Variants in ARHGAP24 observed in about 807,000 individuals in gnomAD.
The protein encoded by ARHGAP24 is rho GTPase-activating protein 24.
In ARHGAP24, 50 loss-of-function variants were observed where a neutral mutation model predicts 76.4. The observed-to-expected ratio is 0.65, with a 90% CI of 0.52 to 0.83. The LOEUF (loss-of-function observed/expected upper bound fraction) is 0.83. Among genes scored for constraint, ARHGAP24 ranks in the 40% least tolerant of loss-of-function variants. The probability of loss-of-function intolerance (pLI) is 0.00; values close to 1 mark genes in which losing one functional copy is unlikely to be tolerated. For synonymous variants in ARHGAP24, 345 were observed against 323.3 expected (o/e 1.07, Z -0.72); for missense variants, 930 against 914.2 (o/e 1.02, Z -0.22).
rs774932899 is a variant in ARHGAP24 at position 85,923,774 on chromosome 4, A to G, written c.391+4A>G. ...ATATGGGGACCTTTCGGAGGAGGTG[A>G]GTGTACTTTAAAATCATGGAAAAAC... On this transcript the variant is annotated splice_donor_region_variant and intron_variant, in intron 4 of 9. Transcript: ENST00000395184. 2.5e-6 allele frequency: 4 copies of G among 1,613,958 alleles called. No homozygotes were observed. The highest frequency in any genetic ancestry group is 2.2e-5 in the South Asian group (2 of 91,070).
chr4:85,609,709 A>G (rs957213519), intron 2 of ARHGAP24, among the ~76,000 whole-genome samples: 1 of 152,170 alleles, frequency 6.6e-6, no homozygotes, highest in African/African-American at 2.4e-5. Context: ...ATTGACACAT[A>G]ATAATTGCAC....
intron 3 of ARHGAP24, among the ~76,000 whole-genome samples, chr4:85,809,291 G>A (rs1728914217): frequency 6.6e-6 from 1 of 151,852 alleles, no homozygotes; most frequent in African/African-American, 2.4e-5. Context: ...AAAAACAAGT[G>A]AACTCTTCCA....
chr4:85,933,213 G>A (rs1312220480), intron 4 of ARHGAP24, among the ~76,000 whole-genome samples: 1 of 152,100 alleles, frequency 6.6e-6, no homozygotes, highest in Non-Finnish European at 1.5e-5. Flanking sequence ...GTGAAGCCAG[G>A]AAAAATGCCT....
intron 3 of ARHGAP24, among the ~76,000 whole-genome samples, chr4:85,852,854 A>G (rs1240078401): frequency 2.0e-5 from 3 of 152,174 alleles, no homozygotes; most frequent in Admixed American, 6.5e-5. Context: ...GCATCGTCCC[A>G]GAGGGGCATA....
chr4:85,983,660 G>T (rs1578466521), intron 8 of ARHGAP24, among the ~76,000 whole-genome samples: 2 of 152,206 alleles, frequency 1.3e-5, no homozygotes, highest in South Asian at 4.1e-4. Flanking sequence ...CAAAACTACA[G>T]TAAGAAAGTT....
chr4:85,993,656 A>G (rs1015676465), intron 8 of ARHGAP24, among the ~76,000 whole-genome samples: 1 of 152,146 alleles, frequency 6.6e-6, no homozygotes, highest in East Asian at 1.9e-4. Context: ...TTTCTTCACC[A>G]AATCTCAAGT....
intron 2 of ARHGAP24, among the ~76,000 whole-genome samples, chr4:85,695,448 TAAG>T (rs908465371): frequency 7.2e-5 from 11 of 152,310 alleles, no homozygotes; most frequent in African/African-American, 2.6e-4. Context: ...TCCATCATAA[TAAG>T]AATGCTCAAT....
At chr4:85,493,933 C>T (rs993690676) in intron 1 of ARHGAP24, among the ~76,000 whole-genome samples, 12 of 152,228 alleles carry the variant, frequency 7.9e-5, no homozygotes, top group African/African-American at 2.6e-4. Flanking sequence ...AGGGTCAAAA[C>T]GCTTTATTTC....
At chr4:85,674,980 T>G (rs1261263410) in intron 2 of ARHGAP24, among the ~76,000 whole-genome samples, 2 of 152,206 alleles carry the variant, frequency 1.3e-5, no homozygotes, top group Non-Finnish European at 2.9e-5. Flanking sequence ...TGTAACAATT[T>G]GTAATCAGAG....
rs553653376 is a variant in ARHGAP24, at chr4:85,630,538, C to G, written c.180+59817C>G. Among the ~76,000 whole-genome samples the G allele has an allele frequency of 3.9e-5, 6 of 152,212 alleles. No individual in the cohort carries two copies. In the South Asian group the frequency reaches 1.2e-3, roughly 32 times the overall value. On this transcript the variant is annotated intron_variant, in intron 2 of 9. Coordinates refer to ENST00000395184, the MANE Select transcript of ARHGAP24 (RefSeq NM_001025616.3). ...AGTCAGCTCATCCAGAGATACTGAG[C>G]AGGCCAACTGTTGGGGTCTGTGAAG...
At chr4:85,713,340 T>C (rs935342768) in intron 2 of ARHGAP24, among the ~76,000 whole-genome samples, 5 of 151,884 alleles carry the variant, frequency 3.3e-5, no homozygotes, top group Non-Finnish European at 7.4e-5. Context: ...AAAAACATAT[T>C]TCTATGTTTT....
chr4:85,947,864 C>T lies in ARHGAP24; in HGVS notation c.599+5591C>T, dbSNP rs545155009. Among the ~76,000 whole-genome samples, 21 of 152,058 alleles carry T rather than the reference C, an allele frequency of 1.4e-4. No individual in the cohort carries two copies. In the East Asian group the frequency reaches 3.5e-3, roughly 25 times the overall value. ...ATTATACAGTTTTAACATTTGAGGA[C>T]AATTTTAATTACATAATGATAAATG... On this transcript the variant is annotated intron_variant, in intron 5 of 9. Transcript: ENST00000395184.
chr4:85,599,044 G>A (rs1719942690), intron 2 of ARHGAP24, among the ~76,000 whole-genome samples: 1 of 151,722 alleles, frequency 6.6e-6, no homozygotes, highest in Admixed American at 6.6e-5. Context: ...TACACTTAAA[G>A]CACATTTGAA....
chr4:85,505,366 C>T (rs1467435299), intron 1 of ARHGAP24, among the ~76,000 whole-genome samples: 3 of 152,166 alleles, frequency 2.0e-5, no homozygotes, highest in Admixed American at 6.5e-5. Context: ...ACCAATCAAA[C>T]GTTGATTTGG....
At chr4:85,784,905 CTCTATCTATCTATCTATCTA>C (rs59888935) in intron 3 of ARHGAP24, among the ~76,000 whole-genome samples, 1,501 of 147,766 alleles carry the variant, frequency 0.01, 11 homozygotes, top group African/African-American at 0.013. Context: ...GATTATATAT[CTCTATCTATCTATCTATCTA>C]TCTATCTATC....
intron 5 of ARHGAP24, among the ~76,000 whole-genome samples, chr4:85,962,282 A>G (rs907206446): frequency 3.3e-5 from 5 of 152,244 alleles, no homozygotes; most frequent in Non-Finnish European, 7.4e-5. Context: ...ATCAAAGGTT[A>G]GGAAAATAGT....
At chr4:85,837,656 T>C (rs1012881480) in intron 3 of ARHGAP24, among the ~76,000 whole-genome samples, 11 of 152,076 alleles carry the variant, frequency 7.2e-5, no homozygotes, top group African/African-American at 2.4e-4. Context: ...GGTGGGGACT[T>C]GAAATGACAA....
chr4:85,635,326 C>G (rs571066595), intron 2 of ARHGAP24, among the ~76,000 whole-genome samples: 39 of 151,828 alleles, frequency 2.6e-4, no homozygotes, highest in Admixed American at 3.9e-4. Flanking sequence ...CCCAACCTCT[C>G]CATTACCTGG....
At chr4:85,939,621 C>T (rs1736839991) in intron 4 of ARHGAP24, among the ~76,000 whole-genome samples, 1 of 152,064 alleles carries the variant, frequency 6.6e-6, no homozygotes, top group Non-Finnish European at 1.5e-5. Flanking sequence ...GGCAAACCTG[C>T]ATGTACAAGA....
Sources: gnomAD v4.1 joint callset for allele counts (sites outside exome capture counted in the v4.1 genomes callset) on GRCh38, gnomAD v4.1.1 for gene constraint, MANE v1.5 for transcripts, NCBI Gene and HGNC (gene_info 2026-07-23, HGNC 2026-07-21) for gene names.